The following WIPF3 variants were observed in gnomAD, a reference collection of about 807,000 sequenced individuals.
The protein encoded by WIPF3 is WAS/WASL-interacting protein family member 3.
In WIPF3, 33 loss-of-function variants were observed where a neutral mutation model predicts 38.9. The observed-to-expected ratio is 0.85, with a 90% CI of 0.64 to 1.14. The LOEUF (loss-of-function observed/expected upper bound fraction) is 1.14. WIPF3 is among the 50% of genes most tolerant of loss of function. The probability of loss-of-function intolerance (pLI) is 0.00; values close to 1 mark genes in which losing one functional copy is unlikely to be tolerated. For synonymous variants in WIPF3, 324 were observed against 269.3 expected, an observed-to-expected ratio of 1.20 and a Z score of -1.99; for missense variants, 711 against 652.5, an observed-to-expected ratio of 1.09 and a Z score of -0.98.
chr7:29,903,013 C>T (rs1213264304), intron 7 of WIPF3, among the ~76,000 whole-genome samples: 1 of 152,092 alleles, frequency 6.6e-6, no homozygotes, highest in Non-Finnish European at 1.5e-5. Context: ...CAGTTTCCTG[C>T]AGGGTGCAGT....
rs140084171 is a variant in WIPF3, at chr7:29,865,462, G to T, written c.91-10368G>T. Among the ~76,000 whole-genome samples the T allele has an allele frequency of 1.6e-3, 248 of 152,272 alleles. 2 individuals are homozygous for T. Among genetic ancestry groups the T allele is most frequent in the African/African-American group, 5.6e-3 (234 of 41,544 alleles). On this transcript the variant is annotated intron_variant, in intron 2 of 8. Transcript: ENST00000242140. Reference sequence around the variant, plus strand: ...GCAGCCCAACTAGCAGGAAGAAGTGGCTCAGAGAAGAGCCAAGAATGTTGA... The same window carrying T: ...GCAGCCCAACTAGCAGGAAGAAGTGTCTCAGAGAAGAGCCAAGAATGTTGA...
rs1786623481 is a variant in WIPF3 at position 29,916,724 on chromosome 7, A to AG, written c.*2210dup. On this transcript the variant is annotated 3_prime_UTR_variant, in exon 9 of 9. Transcript: ENST00000242140. ...CGAGACCCTAACTCAAAAAAAAAAA[A>AG]GGACAGAGGGGAGGAAGGAGCAGAA... The AG allele has an allele frequency of 2.0e-5, 3 of 147,152 alleles. No individual in the cohort carries two copies. Among genetic ancestry groups the AG allele is most frequent in the Admixed American group, 1.3e-4 (2 of 14,964 alleles). The allele number at this position is 147,152 out of a possible 1,614,324, so 9.1% of individuals were successfully genotyped here. A position where few individuals can be genotyped will look rare whatever the true frequency, so the allele number is the denominator to read the frequency against.
intron 2 of WIPF3, among the ~76,000 whole-genome samples, chr7:29,863,840 T>C (rs1358468310): frequency 1.3e-5 from 2 of 152,218 alleles, no homozygotes; most frequent in Non-Finnish European, 2.9e-5. Context: ...TTTTAAGGTA[T>C]TTTTAAATTT....
intron 1 of WIPF3, among the ~76,000 whole-genome samples, chr7:29,831,735 G>T (rs944594498): frequency 6.6e-6 from 1 of 152,182 alleles, no homozygotes; most frequent in Non-Finnish European, 1.5e-5. Context: ...CTTTCATCTT[G>T]TGGCTCTGCC....
intron 2 of WIPF3, among the ~76,000 whole-genome samples, chr7:29,848,955 A>G (rs988322162): frequency 1.3e-5 from 2 of 152,312 alleles, no homozygotes; most frequent in Admixed American, 1.3e-4. Context: ...AGTGCAAAAT[A>G]TAAGTGATTT....
At chr7:29,873,151 T>C (rs55790198) in intron 2 of WIPF3, among the ~76,000 whole-genome samples, 46,415 of 152,028 alleles carry the variant, frequency 0.31, 7,601 homozygotes, top group African/African-American at 0.4. Flanking sequence ...GGGGGATACC[T>C]TTTGGTAATA....
At chr7:29,910,400 G>A (rs1786483961) in intron 8 of WIPF3, among the ~76,000 whole-genome samples, 1 of 152,100 alleles carries the variant, frequency 6.6e-6, no homozygotes, top group Non-Finnish European at 1.5e-5. Flanking sequence ...AATTGAAGAG[G>A]AGGGAACGCT....
At chr7:29,861,867 A>T (rs1209297030) in intron 2 of WIPF3, among the ~76,000 whole-genome samples, 1 of 152,198 alleles carries the variant, frequency 6.6e-6, no homozygotes, top group Non-Finnish European at 1.5e-5. Context: ...TGTTGTTGTC[A>T]TCGTTATTTG....
chr7:29,819,694 G>C (rs1784507729), intron 1 of WIPF3, among the ~76,000 whole-genome samples: 1 of 151,776 alleles, frequency 6.6e-6, no homozygotes, highest in African/African-American at 2.4e-5. Flanking sequence ...CATTCCATAG[G>C]TTCTGATATG....
chr7:29,834,045 T>C (rs978852351), intron 1 of WIPF3, among the ~76,000 whole-genome samples: 8 of 152,072 alleles, frequency 5.3e-5, no homozygotes, highest in Admixed American at 1.3e-4. Context: ...AAATACCAGA[T>C]AGAAAGTCTA....
rs1185336786 is a variant in WIPF3 at position 29,883,910 on chromosome 7, C to T, written c.416C>T (p.Thr139Ile). Residue 139 changes from threonine to isoleucine, a missense_variant, in exon 5 of 9, where the codon ACC becomes ATC. Coordinates refer to ENST00000242140, the MANE Select transcript of WIPF3 (RefSeq NM_001080529.3). ...CCCTCTCCCAGGCTTCCCAACAAAA[C>T]CATCAGCGGCCCGCTTATCCCGCCT... is the stretch of plus-strand genomic sequence containing the variant. ...RAPSPRLPNK[T>I]ISGPLIPPAS... 2 of 1,578,538 alleles carry T rather than the reference C, an allele frequency of 1.3e-6. No homozygotes were observed. Among genetic ancestry groups the T allele is most frequent in the Non-Finnish European group, 1.7e-6 (2 of 1,161,948 alleles).
intron 4 of WIPF3, among the ~76,000 whole-genome samples, chr7:29,881,675 AGATAT>A (rs1785720605): frequency 6.6e-6 from 1 of 152,246 alleles, no homozygotes. Context: ...AATTACAATA[AGATAT>A]GATGAGTAAA....
At chr7:29,808,736 C>T (rs1784326572) in intron 1 of WIPF3, among the ~76,000 whole-genome samples, 1 of 151,326 alleles carries the variant, frequency 6.6e-6, no homozygotes, top group Non-Finnish European at 1.5e-5. Flanking sequence ...TAAGAACATA[C>T]AGTTATAAGA....
intron 7 of WIPF3, among the ~76,000 whole-genome samples, chr7:29,897,866 C>T (rs752207995): frequency 1.3e-5 from 2 of 152,206 alleles, no homozygotes; most frequent in African/African-American, 2.4e-5. Context: ...TCTTCCAGCA[C>T]CCCACTCTTT....
chr7:29,838,337 A>G (rs1182911230), intron 2 of WIPF3, among the ~76,000 whole-genome samples: 1 of 152,110 alleles, frequency 6.6e-6, no homozygotes, highest in East Asian at 1.9e-4. Flanking sequence ...AAATGGACCT[A>G]GTTTCACTTC....
intron 1 of WIPF3, among the ~76,000 whole-genome samples, chr7:29,826,083 A>G (rs1784611269): frequency 6.6e-6 from 1 of 152,214 alleles, no homozygotes; most frequent in Non-Finnish European, 1.5e-5. Flanking sequence ...CTACATGAAA[A>G]TGAGCCTTTT....
At position 29,884,407 on chromosome 7, in the gene WIPF3, A is replaced by T. The variant is rs2128075994; in HGVS notation, c.913A>T (p.Arg305Trp). The change falls in exon 5 of 9, where the codon AGG (arginine) becomes TGG (tryptophan). Residue 305 changes from arginine to tryptophan, a missense_variant. Physicochemically the swap from Arg to Trp is moderately radical, Grantham distance 101. Transcript: ENST00000242140. ...CCCCCCTTATGCTTCTTGCTCCCCG[A>T]GGGCTTCTTTGCCCGCGCCCCCTTT... ...PLPPYASCSP[R>W]ASLPAPPLPG... The T allele has an allele frequency of 2.5e-6, 3 of 1,191,126 alleles. No homozygotes were observed. In the East Asian group the frequency reaches 1.9e-4, roughly 75 times the overall value. 73.8% of individuals were successfully genotyped at this position (1,191,126 alleles called of 1,614,324 possible). A position where few individuals can be genotyped will look rare whatever the true frequency, so the allele number is the denominator to read the frequency against.
At chr7:29,905,850 GGGAGCCAAACATTAAA>G (rs1430242645) in intron 8 of WIPF3, 1 of 151,688 alleles carries the variant, frequency 6.6e-6, no homozygotes, top group Admixed American at 6.6e-5. Flanking sequence ...TTCCCCATTT[GGGAGCCAAACATTAAA>G]GATGAACATT....
At chr7:29,852,723 G>C (rs1217913981) in intron 2 of WIPF3, among the ~76,000 whole-genome samples, 1 of 152,200 alleles carries the variant, frequency 6.6e-6, no homozygotes, top group African/African-American at 2.4e-5. Flanking sequence ...AAATGTAGTT[G>C]CCCCCTACCC....
Sources: gnomAD v4.1 joint callset for allele counts (sites outside exome capture counted in the v4.1 genomes callset) on GRCh38, gnomAD v4.1.1 for gene constraint, MANE v1.5 for transcripts, NCBI Gene and HGNC (gene_info 2026-07-23, HGNC 2026-07-21) for gene names.